TBC1D9B: variants seen among roughly 807,000 people sequenced by gnomAD.
TBC1D9B encodes the protein TBC1 domain family, member 9B (with GRAM domain).
TBC1D9B carries 87 observed loss-of-function variants against 121.1 expected under a neutral mutation model. That is an observed-to-expected ratio of 0.72 (90% CI 0.60 to 0.86). The LOEUF is 0.86. Ranked by LOEUF, TBC1D9B falls within the 40% of genes least tolerant of loss-of-function variation. The probability of loss-of-function intolerance (pLI) is 0.00; values close to 1 mark genes in which losing one functional copy is unlikely to be tolerated. For missense variants in TBC1D9B, 1,540 were observed against 1,628.6 expected (o/e 0.95, Z 0.94); for synonymous variants, 668 against 670.1 (o/e 1.00, Z 0.05).
At position 179,894,578 on chromosome 5, in the gene TBC1D9B, G is replaced by A. The variant is rs549230293; in HGVS notation, c.385C>T (p.Gln129Ter). 1.9e-6 allele frequency: 3 copies of A among 1,614,230 alleles called. No homozygotes were observed. The South Asian group carries it at 3.3e-5, about 18-fold the overall frequency. Residue 129 changes from glutamine (Q) to a stop codon, truncating the protein, a stop_gained, in exon 4 of 21, where the codon CAG (glutamine) becomes TAG (stop). Transcript: ENST00000355235. LOFTEE classifies it high-confidence loss of function. ...AACTTCCCGGGGTCCTCGTCTCCCT[G>A]GGGCTGCAGGTTCTTGTTCTCTTCT... ...IAEENKNLQP[Q>*]GDEDPGKFKE... is the part of the protein sequence containing the mutation.
At chr5:179,879,505 TG>T in intron 8 of TBC1D9B, 122 bp downstream of exon 8, 2 of 1,450,146 alleles carry the variant, frequency 1.4e-6, no homozygotes, top group Non-Finnish European at 1.9e-6. Context: ...GCAGCCTGGG[TG>T]GGCACTGCCC....
Position 179,865,508 on chromosome 5 carries a change from G to GA in TBC1D9B, c.2915-149dup, listed in dbSNP as rs1253612348. Reference sequence around the variant, plus strand: ...CTGGCGTTTGGGAAGGTGGTCATGGGAAAAAAACCCAGAACAGCCACAGGT... The same window carrying GA: ...CTGGCGTTTGGGAAGGTGGTCATGGGAAAAAAAACCCAGAACAGCCACAGGT... On this transcript the variant is annotated intron_variant, in intron 19 of 20. Coordinates refer to ENST00000355235, the MANE Select transcript of TBC1D9B (RefSeq NM_015043.4). The surrounding 1 kb of genome is among the most constrained non-coding windows in gnomAD (Gnocchi z 5.1). 3.8e-5 allele frequency: 28 copies of GA among 742,182 alleles called. No homozygotes were observed. Among genetic ancestry groups the GA allele is most frequent in the Admixed American group, 1.0e-4 (4 of 39,348 alleles). The allele number at this position is 742,182 out of a possible 1,614,324, so 46.0% of individuals were successfully genotyped here.
chr5:179,897,391 C>G (rs1337840161), intron 3 of TBC1D9B, among the ~76,000 whole-genome samples: 2 of 151,760 alleles, frequency 1.3e-5, no homozygotes, highest in African/African-American at 4.8e-5. Flanking sequence ...CAGCTCACTG[C>G]AACCTCTGCC....
At chr5:179,867,903 C>T (rs1760069644) in intron 17 of TBC1D9B, 54 bp from the exon 18 acceptor site, 1 of 1,480,822 alleles carries the variant, frequency 6.8e-7, no homozygotes, top group African/African-American at 1.4e-5. Context: ...GAGATCCTCT[C>T]AGAGTAAGTT....
chr5:179,865,559 GA>G lies in TBC1D9B; in HGVS notation c.2915-200del. The G allele has an allele frequency of 1.6e-6, 1 of 625,372 alleles. No individual in the cohort carries two copies. The highest frequency in any genetic ancestry group is 2.7e-5 in the East Asian group (1 of 36,658). 38.7% of individuals were successfully genotyped at this position (625,372 alleles called of 1,614,324 possible). A position where few individuals can be genotyped will look rare whatever the true frequency, so the allele number is the denominator to read the frequency against. The stretch of plus-strand genomic sequence containing the variant: ...TTTCCCTAAATTGCTGCAGTGGTTG[GA>G]CCTAAGCTGATGACAATGATCCACA... On this transcript the variant is annotated intron_variant, in intron 19 of 20. Transcript: ENST00000355235. The surrounding 1 kb of genome is among the most constrained non-coding windows in gnomAD (Gnocchi z 5.1).
In TBC1D9B at chr5:179,878,290, C is replaced by T. The variant is rs1760419789; in HGVS notation, c.1782+19G>A. 2 of 1,601,612 alleles carry T rather than the reference C, an allele frequency of 1.2e-6. No individual in the cohort carries two copies. The highest frequency in any genetic ancestry group is 2.1e-4 in the Middle Eastern group (1 of 4,756). On this transcript the variant is annotated intron_variant, in intron 10 of 20. Coordinates refer to ENST00000355235, the MANE Select transcript of TBC1D9B (RefSeq NM_015043.4). The stretch of plus-strand genomic sequence containing the variant: ...TCTGGTGGCAGATGCTGTCTCTGGG[C>T]CCCTGTCAGGCCCCTTACCTGGCAG...
Position 179,865,366 on chromosome 5 carries a change from G to A in TBC1D9B, c.2915-6C>T, listed in dbSNP as rs976386255. 2 of 1,613,286 alleles carry A rather than the reference G, an allele frequency of 1.2e-6. No homozygotes were observed. Among genetic ancestry groups the A allele is most frequent in the African/African-American group, 2.7e-5 (2 of 75,032 alleles). On this transcript the variant is annotated splice_polypyrimidine_tract_variant and splice_region_variant and intron_variant, in intron 19 of 20. Coordinates refer to ENST00000355235, the MANE Select transcript of TBC1D9B (RefSeq NM_015043.4). This position sits in a 1 kb window ranked among gnomAD's most constrained non-coding sequence, Gnocchi z 5.1. The stretch of plus-strand genomic sequence containing the variant: ...AGAGCTGGTCCCCTTCTCCTCTGCA[G>A]GTTAGGAGGAAAGAGATTAATCTTT...
intron 18 of TBC1D9B, chr5:179,867,514 G>A (rs1234834750): frequency 3.6e-5 from 56 of 1,558,040 alleles, no homozygotes; most frequent in Non-Finnish European, 4.8e-5. Context: ...GACAGCAGAG[G>A]AGAGGCAGAG....
chr5:179,894,601 T>C lies in TBC1D9B; in HGVS notation c.362A>G (p.Glu121Gly). The change falls in exon 4 of 21, where the codon GAA (glutamate) becomes GGA (glycine). Residue 121 changes from glutamate to glycine, a missense_variant. Transcript: ENST00000355235. ...VKGKIHGIIA[E>G]ENKNLQPQGD... ...CTGGGGCTGCAGGTTCTTGTTCTCTTCTGCGATGATTCCCTGGAGGAAGGC... is the reference window on the plus strand; with the variant it reads ...CTGGGGCTGCAGGTTCTTGTTCTCTCCTGCGATGATTCCCTGGAGGAAGGC... 1 of 1,614,194 alleles carries C rather than the reference T, an allele frequency of 6.2e-7. No individual in the cohort carries two copies. The highest frequency in any genetic ancestry group is 8.5e-7 in the Non-Finnish European group (1 of 1,180,020).
In TBC1D9B at chr5:179,879,084, A is replaced by T; in HGVS notation, c.1530T>A (p.Pro510=). 6.2e-7 allele frequency: 1 copy of T among 1,606,152 alleles called. No individual in the cohort carries two copies. The highest frequency in any genetic ancestry group is 8.5e-7 in the Non-Finnish European group (1 of 1,179,946). ...GCCACAGCTCTCCCCGGAGGCTCTC[A>T]GGGATACCCTTCAGGACCAGTGCCC... The part of the protein sequence containing the change: ...KTRALVLKGI[P]ESLRGELWLL... Residue 510 remains proline, a synonymous_variant, in exon 9 of 21, where the codon CCT becomes CCA. Coordinates refer to ENST00000355235, the MANE Select transcript of TBC1D9B (RefSeq NM_015043.4).
intron 10 of TBC1D9B, 132 bp downstream of exon 10, chr5:179,878,177 A>T: frequency 1.1e-6 from 1 of 925,664 alleles, no homozygotes; most frequent in Non-Finnish European, 1.6e-6. Context: ...TTTTTAAATT[A>T]CATCTTTTTC....
Position 179,874,958 on chromosome 5 carries a change from GTT to G in TBC1D9B, c.2128_2129del (p.Asn710HisfsTer23), listed in dbSNP as rs1561636695. ...CGCTGCAGCCCAGCAGCTGCTCCATGTTGGCGTCCAGGACGGCCAGGGCCACC... is the reference window on the plus strand; with the variant it reads ...CGCTGCAGCCCAGCAGCTGCTCCATGGGCGTCCAGGACGGCCAGGGCCACC... ...LQVALAVLDA[N>X]MEQLLGCSDE... On this transcript the variant is annotated frameshift_variant, in exon 12 of 21. Coordinates refer to ENST00000355235, the MANE Select transcript of TBC1D9B (RefSeq NM_015043.4). LOFTEE classifies it high-confidence loss of function. This position sits in a 1 kb window ranked among gnomAD's most constrained non-coding sequence, Gnocchi z 4.3. 3.7e-6 allele frequency: 6 copies of G among 1,613,796 alleles called. No homozygotes were observed. The highest frequency in any genetic ancestry group is 5.1e-6 in the Non-Finnish European group (6 of 1,180,038).
intron 7 of TBC1D9B, chr5:179,884,445 G>A (rs1760622716): frequency 6.6e-6 from 1 of 152,146 alleles, no homozygotes; most frequent in South Asian, 2.1e-4. Context: ...CACAGTTGGT[G>A]GATAGAGCAT....
intron 18 of TBC1D9B, chr5:179,867,314 C>A: frequency 9.4e-7 from 1 of 1,061,300 alleles, no homozygotes; most frequent in Non-Finnish European, 1.3e-6. Flanking sequence ...CTTCTGGGTC[C>A]TTCTCAGAAC....
At chr5:179,901,667 C>A (rs1761170463) in intron 2 of TBC1D9B, among the ~76,000 whole-genome samples, 1 of 152,152 alleles carries the variant, frequency 6.6e-6, no homozygotes. Context: ...CCCAGCTAGT[C>A]AGGAGGCTGA....
At chr5:179,871,793 C>T (rs1309273516) in intron 14 of TBC1D9B, 1 of 345,444 alleles carries the variant, frequency 2.9e-6, no homozygotes, top group Non-Finnish European at 5.4e-6. Flanking sequence ...CGGGCCCCTT[C>T]CCAGGATGGG....
rs969563500 is a variant in TBC1D9B, at chr5:179,906,376, C to T, written c.118+1328G>A. Among the ~76,000 whole-genome samples, 119 of 152,222 alleles carry T rather than the reference C, an allele frequency of 7.8e-4. 1 individual carries two copies. The highest frequency in any genetic ancestry group is 8.8e-5 in the Non-Finnish European group (6 of 68,006). The stretch of plus-strand genomic sequence containing the variant: ...GAGTGAGGTGGAAAGGAGAAGAGCC[C>T]GCAGGAAGGAGGTGTACAGAGACCG... On this transcript the variant is annotated intron_variant, in intron 1 of 20. Coordinates refer to ENST00000355235, the MANE Select transcript of TBC1D9B (RefSeq NM_015043.4).
At chr5:179,894,669 AGGGTGGAG>A in intron 3 of TBC1D9B, 55 bp from the exon 4 acceptor site, 1 of 1,586,556 alleles carries the variant, frequency 6.3e-7, no homozygotes, top group Non-Finnish European at 8.6e-7. Context: ...GACAGGTCAA[AGGGTGGAG>A]CAGAGAGGCC....
Position 179,875,925 on chromosome 5 carries a change from AC to A in TBC1D9B, c.1894del (p.Val632TrpfsTer31), listed in dbSNP as rs768157507. On this transcript the variant is annotated frameshift_variant, in exon 11 of 21. Coordinates refer to ENST00000355235, the MANE Select transcript of TBC1D9B (RefSeq NM_015043.4). LOFTEE classifies it high-confidence loss of function. This position sits in a 1 kb window ranked among gnomAD's most constrained non-coding sequence, Gnocchi z 4.5. ...RMLPDYYNTR[V>X]VGALVDQGIF... ...CAGCACCCGGGGACACTCACCCACC[AC>A]CCTGGTGTTGTAGTAGTCGGGCAGC... is the stretch of plus-strand genomic sequence containing the variant. The A allele has an allele frequency of 6.2e-7, 1 of 1,604,556 alleles. No homozygotes were observed. Among genetic ancestry groups the A allele is most frequent in the Non-Finnish European group, 8.5e-7 (1 of 1,176,464 alleles).
Sources: gnomAD v4.1 joint callset for allele counts (sites outside exome capture counted in the v4.1 genomes callset) on GRCh38, gnomAD v4.1.1 for gene constraint, Gnocchi (gnomAD v3.1) non-coding constraint, MANE v1.5 for transcripts, NCBI Gene and HGNC (gene_info 2026-07-23, HGNC 2026-07-21) for gene names.